The following KLHL29 variants were observed in gnomAD, a reference collection of about 807,000 sequenced individuals.
KLHL29 encodes kelch like family member 29, also known as kelch-like protein 29.
KLHL29 carries 21 observed loss-of-function variants against 80.4 expected under a neutral mutation model. The observed-to-expected ratio is 0.26, with a 90% CI of 0.19 to 0.38. The LOEUF (loss-of-function observed/expected upper bound fraction) is 0.38. Ranked by LOEUF, KLHL29 falls within the 10% of genes least tolerant of loss-of-function variation. The probability of loss-of-function intolerance (pLI) is 1.00; values close to 1 mark genes in which losing one functional copy is unlikely to be tolerated. For synonymous variants in KLHL29, 511 were observed against 526.8 expected (o/e 0.97, Z 0.41); for missense variants, 867 against 1,223.9 (o/e 0.71, Z 4.35).
At chr2:23,437,446 C>A (rs549116730) in intron 1 of KLHL29, among the ~76,000 whole-genome samples, 49 of 152,252 alleles carry the variant, frequency 3.2e-4, no homozygotes, top group African/African-American at 1.1e-3. Flanking sequence ...CGTAGGTGAC[C>A]TGGTTTTTGT....
rs61102659 is a variant in KLHL29, at chr2:23,611,884, CA to C, written c.286-27243del. Among the ~76,000 whole-genome samples the C allele has an allele frequency of 2.9e-3, 374 of 127,680 alleles. 3 individuals carry two copies. The highest frequency in any genetic ancestry group is 8.7e-3 in the Middle Eastern group (2 of 230). 83.8% of individuals were successfully genotyped at this position (127,680 alleles called of 152,430 possible). On this transcript the variant is annotated intron_variant, in intron 3 of 13. Coordinates refer to ENST00000486442, the MANE Select transcript of KLHL29 (RefSeq NM_052920.2). ...CAATGTCGAGTTTAACAGATGCAACCAAAAAAAAAAAAGGATTATGAACTGA... is the reference window on the plus strand; with the variant it reads ...CAATGTCGAGTTTAACAGATGCAACCAAAAAAAAAAAGGATTATGAACTGA...
intron 1 of KLHL29, among the ~76,000 whole-genome samples, chr2:23,467,376 A>G (rs1664380944): frequency 6.6e-6 from 1 of 152,242 alleles, no homozygotes; most frequent in Non-Finnish European, 1.5e-5. Context: ...AGAAAAGCAG[A>G]GTACTTACAG....
Position 23,639,230 on chromosome 2 carries a change from G to T in KLHL29, c.377G>T (p.Trp126Leu). 1 of 1,549,134 alleles carries T rather than the reference G, an allele frequency of 6.5e-7. No homozygotes were observed. The highest frequency in any genetic ancestry group is 8.7e-7 in the Non-Finnish European group (1 of 1,145,828). ...ACGCCTATCAATCAGTCCACACCCT[G>T]GGACACTGATGAGCCACCCTCCAAA... is the stretch of plus-strand genomic sequence containing the variant. ...GQTPINQSTP[W>L]DTDEPPSKQM... The change falls in exon 4 of 14, where the codon TGG becomes TTG. Residue 126 changes from tryptophan to leucine, a missense_variant. Coordinates refer to ENST00000486442, the MANE Select transcript of KLHL29 (RefSeq NM_052920.2).
At chr2:23,466,361 C>T (rs1307066778) in intron 1 of KLHL29, among the ~76,000 whole-genome samples, 1 of 152,112 alleles carries the variant, frequency 6.6e-6, no homozygotes, top group Non-Finnish European at 1.5e-5. Context: ...TTTTTATCAA[C>T]CTTTAGATGC....
intron 3 of KLHL29, among the ~76,000 whole-genome samples, chr2:23,611,068 A>G (rs1462651749): frequency 2.0e-5 from 3 of 152,100 alleles, no homozygotes; most frequent in African/African-American, 7.2e-5. Context: ...CATGTTCAAA[A>G]TGATCAATGA....
chr2:23,574,865 G>C (rs983911715), intron 3 of KLHL29, among the ~76,000 whole-genome samples: 4 of 152,158 alleles, frequency 2.6e-5, no homozygotes, highest in Non-Finnish European at 5.9e-5. Flanking sequence ...TCGGTCACAG[G>C]GAGCAGAACA....
intron 2 of KLHL29, among the ~76,000 whole-genome samples, chr2:23,501,034 G>A (rs374308128): frequency 3.9e-5 from 6 of 152,260 alleles, no homozygotes; most frequent in South Asian, 2.1e-4. Context: ...GAGAGCTGAC[G>A]AGCAGCTTGA....
chr2:23,682,070 A>T lies in KLHL29; in HGVS notation c.941-2329A>T, dbSNP rs1477011972. ...TTGTTCCCTCCCTTCCTGATGTCCCACCACCATCCCCTCCAAAAACCTGTT... is the reference window on the plus strand; with the variant it reads ...TTGTTCCCTCCCTTCCTGATGTCCCTCCACCATCCCCTCCAAAAACCTGTT... On this transcript the variant is annotated intron_variant, in intron 5 of 13. Coordinates refer to ENST00000486442, the MANE Select transcript of KLHL29 (RefSeq NM_052920.2). This position sits in a 1 kb window ranked among gnomAD's most constrained non-coding sequence, Gnocchi z 4.1. Among the ~76,000 whole-genome samples, 1 of 148,188 alleles carries T rather than the reference A, an allele frequency of 6.7e-6. No individual in the cohort carries two copies. Among genetic ancestry groups the T allele is most frequent in the Non-Finnish European group, 1.5e-5 (1 of 67,158 alleles).
At chr2:23,463,301 A>T (rs1422938239) in intron 1 of KLHL29, among the ~76,000 whole-genome samples, 2 of 151,310 alleles carry the variant, frequency 1.3e-5, no homozygotes, top group Non-Finnish European at 2.9e-5. Flanking sequence ...TGTTAAAGTG[A>T]CCTTCAAAAG....
chr2:23,654,706 G>GGGT lies in KLHL29; in HGVS notation c.940+11859_940+11861dup, dbSNP rs1670191870. On this transcript the variant is annotated intron_variant, in intron 5 of 13. Transcript: ENST00000486442. ...GAAGGGAACAGAGGTTGGGGGGGGG[G>GGGT]GGTGGATGTTTTGTATGTGCCTACC... is the stretch of plus-strand genomic sequence containing the variant. 3.8e-5 allele frequency among the ~76,000 whole-genome samples: 2 copies of GGGT among 52,536 alleles called. 1 individual carries two copies. Among genetic ancestry groups the GGGT allele is most frequent in the East Asian group, 2.0e-3 (2 of 1,010 alleles). The allele number at this position is 52,536 out of a possible 152,430, so 34.5% of individuals were successfully genotyped here.
At chr2:23,659,081 C>T (rs894872679) in intron 5 of KLHL29, among the ~76,000 whole-genome samples, 1 of 152,206 alleles carries the variant, frequency 6.6e-6, no homozygotes, top group Admixed American at 6.5e-5. Flanking sequence ...CCGCTGCTGA[C>T]CGATTTAGCA....
intron 2 of KLHL29, among the ~76,000 whole-genome samples, chr2:23,551,620 T>C (rs1667132133): frequency 1.3e-5 from 2 of 152,228 alleles, no homozygotes; most frequent in South Asian, 4.1e-4. Flanking sequence ...CATTATGGAA[T>C]ATGGCTTTTT....
intron 5 of KLHL29, among the ~76,000 whole-genome samples, chr2:23,655,971 C>T (rs1670232890): frequency 6.6e-6 from 1 of 152,220 alleles, no homozygotes; most frequent in Non-Finnish European, 1.5e-5. Flanking sequence ...CAGTTACCAC[C>T]ACTCGCAGTT....
chr2:23,448,548 T>C (rs1663776551), intron 1 of KLHL29, among the ~76,000 whole-genome samples: 1 of 152,130 alleles, frequency 6.6e-6, no homozygotes, highest in African/African-American at 2.4e-5. Flanking sequence ...AGGCTCAGCT[T>C]CCAGGAGTGA....
intron 1 of KLHL29, among the ~76,000 whole-genome samples, chr2:23,473,503 G>A (rs781294692): frequency 1.6e-4 from 24 of 152,136 alleles, no homozygotes; most frequent in Non-Finnish European, 3.2e-4. Flanking sequence ...GTTCAGAACT[G>A]TTTCAGTTGT....
intron 3 of KLHL29, among the ~76,000 whole-genome samples, chr2:23,620,472 G>A (rs930285552): frequency 2.6e-5 from 4 of 152,136 alleles, no homozygotes; most frequent in African/African-American, 9.7e-5. Context: ...GGAGGGCATC[G>A]GCAAGGCTGC....
chr2:23,623,970 C>T lies in KLHL29; in HGVS notation c.286-15169C>T, dbSNP rs138830330. 2.8e-3 allele frequency among the ~76,000 whole-genome samples: 430 copies of T among 152,206 alleles called. 4 individuals carry two copies. The highest frequency in any genetic ancestry group is 0.01 in the African/African-American group (416 of 41,538). On this transcript the variant is annotated intron_variant, in intron 3 of 13. Transcript: ENST00000486442. ...CAAGTGAATCCATGAACTAACTCCC[C>T]GTGAATAAACAATAGAAGAGAATTT...
At chr2:23,584,811 A>G (rs936994255) in intron 3 of KLHL29, among the ~76,000 whole-genome samples, 14 of 152,192 alleles carry the variant, frequency 9.2e-5, no homozygotes, top group Non-Finnish European at 1.5e-4. Context: ...ATTTCAGCTC[A>G]CTGCAACTTC....
chr2:23,408,370 G>T (rs2103393308), intron 1 of KLHL29, among the ~76,000 whole-genome samples: 1 of 139,400 alleles, frequency 7.2e-6, no homozygotes, highest in Admixed American at 7.5e-5. Context: ...ATAAAGAATT[G>T]ACATTTGGAC....
Sources: gnomAD v4.1 joint callset for allele counts (sites outside exome capture counted in the v4.1 genomes callset) on GRCh38, gnomAD v4.1.1 for gene constraint, Gnocchi (gnomAD v3.1) non-coding constraint, MANE v1.5 for transcripts, NCBI Gene and HGNC (gene_info 2026-07-23, HGNC 2026-07-21) for gene names.